MACROD2: variants seen among roughly 807,000 people sequenced by gnomAD.
MACROD2 encodes the protein ADP-ribose glycohydrolase MACROD2.
In MACROD2, 36 loss-of-function variants were observed where a neutral mutation model predicts 70.4. The ratio of observed to expected loss-of-function variants is 0.51; its 90% confidence interval spans 0.39 to 0.68. MACROD2 has a LOEUF of 0.68. Ranked by LOEUF, MACROD2 falls within the 30% of genes least tolerant of loss-of-function variation. The pLI, the probability that MACROD2 is intolerant of heterozygous loss-of-function variation, is 0.00. For synonymous variants in MACROD2, 172 were observed against 178.8 expected (o/e 0.96, Z 0.30); for missense variants, 496 against 538.4 (o/e 0.92, Z 0.78).
intron 5 of MACROD2, among the ~76,000 whole-genome samples, chr20:15,169,799 G>T (rs1191667996): frequency 6.6e-6 from 1 of 152,042 alleles, no homozygotes; most frequent in Non-Finnish European, 1.5e-5. Flanking sequence ...TCAGATGTGG[G>T]CATTTCCCTC....
intron 6 of MACROD2, among the ~76,000 whole-genome samples, chr20:15,410,665 A>G (rs1404096524): frequency 6.6e-6 from 1 of 152,104 alleles, no homozygotes; most frequent in Non-Finnish European, 1.5e-5. Context: ...ACACACACAC[A>G]CACACACAAA....
At chr20:15,221,660 AAAATT>A (rs2076862626) in intron 5 of MACROD2, among the ~76,000 whole-genome samples, 1 of 152,228 alleles carries the variant, frequency 6.6e-6, no homozygotes, top group African/African-American at 2.4e-5. Context: ...GAGCTGATAA[AAAATT>A]AAACATGAGC....
chr20:14,056,681 G>A (rs754199551), intron 2 of MACROD2, among the ~76,000 whole-genome samples: 1 of 151,932 alleles, frequency 6.6e-6, no homozygotes, highest in Non-Finnish European at 1.5e-5. Context: ...TATAATCAGA[G>A]AATAAGGAAT....
At position 15,650,480 on chromosome 20, in the gene MACROD2, AAC is replaced by A. The variant is rs1221021830; in HGVS notation, c.645+150639_645+150640del. 5.9e-5 allele frequency among the ~76,000 whole-genome samples: 9 copies of A among 152,330 alleles called. No individual in the cohort carries two copies. In the South Asian group the frequency reaches 1.7e-3, roughly 28 times the overall value. On this transcript the variant is annotated intron_variant, in intron 8 of 17. Transcript: ENST00000684519. ...TTGCAGTATATTCTTTCGCTTGGCA[AAC>A]ACACATACAGCAAAGTCAATCCAAA...
chr20:14,855,614 T>G (rs1244383379), intron 5 of MACROD2, among the ~76,000 whole-genome samples: 1 of 147,772 alleles, frequency 6.8e-6, no homozygotes, highest in African/African-American at 2.5e-5. Flanking sequence ...TTTTTTTTTT[T>G]TTTTTTTTTT....
chr20:14,244,488 CA>C (rs1257426920), intron 3 of MACROD2, among the ~76,000 whole-genome samples: 1 of 152,076 alleles, frequency 6.6e-6, no homozygotes, highest in Non-Finnish European at 1.5e-5. Flanking sequence ...GGAGGTGTGA[CA>C]TTGTGGTGTC....
At chr20:14,138,613 G>C (rs1321927375) in intron 3 of MACROD2, among the ~76,000 whole-genome samples, 1 of 152,098 alleles carries the variant, frequency 6.6e-6, no homozygotes, top group African/African-American at 2.4e-5. Flanking sequence ...GTGATTGCCG[G>C]TGGCTGGGTG....
chr20:14,884,510 T>C (rs14135), intron 5 of MACROD2: 38,194 of 152,046 alleles, frequency 0.25, 5,286 homozygotes, highest in African/African-American at 0.36. Flanking sequence ...TCTTTTTCAG[T>C]CTGGTACAGC....
At chr20:15,055,864 C>G (rs1239777066) in intron 5 of MACROD2, among the ~76,000 whole-genome samples, 1 of 149,486 alleles carries the variant, frequency 6.7e-6, no homozygotes, top group Non-Finnish European at 1.5e-5. Flanking sequence ...GGCGCCATCT[C>G]GGCTCACTGC....
intron 6 of MACROD2, among the ~76,000 whole-genome samples, chr20:15,343,741 C>A (rs2078134482): frequency 6.6e-6 from 1 of 152,138 alleles, no homozygotes; most frequent in African/African-American, 2.4e-5. Context: ...CCTAAAAGGA[C>A]CTGAGATTTT....
At chr20:14,098,621 C>A (rs534613261) in intron 3 of MACROD2, among the ~76,000 whole-genome samples, 1 of 152,214 alleles carries the variant, frequency 6.6e-6, no homozygotes. Context: ...ATGTTTTATT[C>A]ACCTCTACTT....
intron 3 of MACROD2, among the ~76,000 whole-genome samples, chr20:14,417,186 G>C (rs114420354): frequency 2.0e-5 from 3 of 151,622 alleles, no homozygotes; most frequent in African/African-American, 7.3e-5. Flanking sequence ...CTTCCTCTGA[G>C]TTCCCTGTTT....
At chr20:15,105,647 C>T (rs1432577604) in intron 5 of MACROD2, among the ~76,000 whole-genome samples, 2 of 152,036 alleles carry the variant, frequency 1.3e-5, no homozygotes, top group Admixed American at 6.6e-5. Flanking sequence ...AAATTCTTGT[C>T]CTCTAAGATG....
At chr20:14,182,882 A>G (rs2081315948) in intron 3 of MACROD2, among the ~76,000 whole-genome samples, 1 of 151,488 alleles carries the variant, frequency 6.6e-6, no homozygotes, top group Non-Finnish European at 1.5e-5. Context: ...CATCATTCAC[A>G]CTGCAGAGTG....
chr20:14,396,971 G>T, intron 3 of MACROD2, among the ~76,000 whole-genome samples: 1 of 140,164 alleles, frequency 7.1e-6, no homozygotes, highest in Admixed American at 7.4e-5. Context: ...TTTTTAATTG[G>T]TATATTTAGA....
At chr20:15,571,293 G>C (rs949777419) in intron 8 of MACROD2, among the ~76,000 whole-genome samples, 1 of 152,122 alleles carries the variant, frequency 6.6e-6, no homozygotes, top group South Asian at 2.1e-4. Flanking sequence ...GTAAGTCAAA[G>C]AGGTTGAGAC....
At chr20:15,652,482 G>A (rs2049659862) in intron 8 of MACROD2, among the ~76,000 whole-genome samples, 1 of 152,182 alleles carries the variant, frequency 6.6e-6, no homozygotes, top group South Asian at 2.1e-4. Context: ...AGATCGAAAA[G>A]AGAATAAAGA....
At chr20:15,133,328 C>T (rs1181702653) in intron 5 of MACROD2, among the ~76,000 whole-genome samples, 2 of 152,008 alleles carry the variant, frequency 1.3e-5, no homozygotes, top group Non-Finnish European at 2.9e-5. Flanking sequence ...ATTTTTAAAT[C>T]TCATAGACAA....
chr20:14,348,246 G>C (rs1163636057), intron 3 of MACROD2, among the ~76,000 whole-genome samples: 2 of 146,446 alleles, frequency 1.4e-5, no homozygotes, highest in Non-Finnish European at 3.0e-5. Flanking sequence ...TCCAACCTAG[G>C]CGTCAGAGCA....
Sources: allele counts gnomAD v4.1 joint callset (sites outside exome capture counted in the v4.1 genomes callset), GRCh38; gene constraint gnomAD v4.1.1; transcripts MANE v1.5; gene names NCBI Gene and HGNC (gene_info 2026-07-23, HGNC 2026-07-21).